MREG: variants seen among roughly 807,000 people sequenced by gnomAD.
The protein encoded by MREG is dilute suppressor protein homolog.
A neutral mutation model predicts 28.5 loss-of-function variants in MREG; 31 were observed. The ratio of observed to expected loss-of-function variants is 1.09; its 90% CI spans 0.82 to 1.47. The LOEUF (loss-of-function observed/expected upper bound fraction) is 1.47. Ranked by LOEUF, MREG falls within the 40% of genes most tolerant of loss-of-function variation. The pLI is 0.00. For synonymous variants in MREG, 106 were observed against 95.2 expected, an observed-to-expected ratio of 1.11 and a Z score of -0.66; for missense variants, 256 against 257.4, an observed-to-expected ratio of 0.99 and a Z score of 0.04.
At chr2:215,986,215 TTTAA>T (rs1284862045) in intron 2 of MREG, among the ~76,000 whole-genome samples, 6 of 152,238 alleles carry the variant, frequency 3.9e-5, no homozygotes, top group African/African-American at 1.4e-4. Context: ...TGGCATATTT[TTTAA>T]TTGAGTTATT....
At chr2:216,030,940 TCTCTCTCTCTCTCTCTCA>T (rs1188495096) in intron 1 of MREG, among the ~76,000 whole-genome samples, 1,631 of 72,436 alleles carry the variant, frequency 0.023, 9 homozygotes, top group African/African-American at 0.041. Flanking sequence ...TCTCTCTCTC[TCTCTCTCTCTCTCTCTCA>T]CACACACACA....
chr2:216,008,389 A>T (rs1694217405), intron 1 of MREG, among the ~76,000 whole-genome samples: 1 of 152,236 alleles, frequency 6.6e-6, no homozygotes, highest in Non-Finnish European at 1.5e-5. Flanking sequence ...ATAATCAAAC[A>T]TCGTTACATC....
At chr2:215,987,525 G>A (rs779191671) in intron 2 of MREG, among the ~76,000 whole-genome samples, 8 of 151,982 alleles carry the variant, frequency 5.3e-5, no homozygotes, top group Non-Finnish European at 1.0e-4. Context: ...GATTACAGGC[G>A]TTAGCCACCA....
chr2:215,985,840 T>C (rs149622817), intron 2 of MREG, among the ~76,000 whole-genome samples: 12 of 152,316 alleles, frequency 7.9e-5, no homozygotes, highest in African/African-American at 2.9e-4. Context: ...AGCTTCTAAA[T>C]TGTATCATAC....
At position 216,029,454 on chromosome 2, in the gene MREG, C is replaced by CGAGA. The variant is rs753576885; in HGVS notation, c.-68+3331_-68+3334dup. 3.0e-3 allele frequency among the ~76,000 whole-genome samples: 376 copies of CGAGA among 127,088 alleles called. 1 individual carries two copies. The highest frequency in any genetic ancestry group is 4.6e-3 in the Non-Finnish European group (274 of 59,066). 83.4% of individuals were successfully genotyped at this position (127,088 alleles called of 152,430 possible). On this transcript the variant is annotated intron_variant, in intron 1 of 3. Coordinates refer to the MREG transcript ENST00000420348. ...GATCACGCCACTGCACTCCGCCTGG[C>CGAGA]GAGAGAGTGAGACTCCATCTCAAAA... is the stretch of plus-strand genomic sequence containing the variant.
chr2:215,996,282 A>G (rs758087270), intron 2 of MREG, 24 bp downstream of exon 2: 3 of 1,608,484 alleles, frequency 1.9e-6, no homozygotes, highest in Non-Finnish European at 2.5e-6. Flanking sequence ...ATCCGCGCAC[A>G]GCAAGACATC....
At chr2:216,023,917 C>T (rs916681514) in intron 1 of MREG, among the ~76,000 whole-genome samples, 19 of 152,198 alleles carry the variant, frequency 1.2e-4, no homozygotes, top group African/African-American at 3.9e-4. Flanking sequence ...ATCTGCCCAT[C>T]TTGGCCTGCC....
At chr2:215,947,431 A>G (rs1692350983) in intron 2 of MREG, among the ~76,000 whole-genome samples, 1 of 152,248 alleles carries the variant, frequency 6.6e-6, no homozygotes, top group Non-Finnish European at 1.5e-5. Context: ...ATTCCATTTA[A>G]GAATGTTATA....
chr2:215,976,899 C>G (rs1474053699), intron 2 of MREG, among the ~76,000 whole-genome samples: 1 of 152,188 alleles, frequency 6.6e-6, no homozygotes, highest in Non-Finnish European at 1.5e-5. Flanking sequence ...TGGAAAGGAA[C>G]GACTGGTACC....
rs919528214 is a variant in MREG at position 215,943,530 on chromosome 2, A to G, written c.*1333T>C. 8 of 456,266 alleles carry G rather than the reference A, an allele frequency of 1.8e-5. No individual in the cohort carries two copies. Among genetic ancestry groups the G allele is most frequent in the Admixed American group, 1.2e-4 (5 of 42,540 alleles). The allele number at this position is 456,266 out of a possible 1,614,324, so 28.3% of individuals were successfully genotyped here. ...AGAGGTCAAACACTTCAGTTTACAG[A>G]TGCTATTCCAGATAAAATGCCAAGG... is the stretch of plus-strand genomic sequence containing the variant. On this transcript the variant is annotated 3_prime_UTR_variant, in exon 5 of 5. Transcript: ENST00000263268.
intron 1 of MREG, among the ~76,000 whole-genome samples, chr2:216,004,857 G>A (rs76709516): frequency 0.018 from 2,806 of 152,242 alleles, 79 homozygotes; most frequent in African/African-American, 0.063. Flanking sequence ...GAAGGGTGGG[G>A]CACTGTTTTA....
chr2:215,945,756 C>T (rs759756929), intron 3 of MREG, 22 bp from the exon 4 acceptor site: 12 of 1,606,476 alleles, frequency 7.5e-6, no homozygotes, highest in Admixed American at 1.7e-5. Context: ...AAATGGACCA[C>T]TCATGTAAAG....
intron 1 of MREG, among the ~76,000 whole-genome samples, chr2:216,006,373 C>A (rs1237378866): frequency 1.1e-4 from 16 of 152,208 alleles, no homozygotes; most frequent in Non-Finnish European, 1.8e-4. Context: ...CACCTCTGGC[C>A]CTCCCCTATC....
chr2:216,017,433 C>A (rs1459188511), upstream of MREG, among the ~76,000 whole-genome samples: 5 of 152,196 alleles, frequency 3.3e-5, no homozygotes, highest in African/African-American at 7.2e-5. Context: ...TCTCCAGTTT[C>A]ACATTCAAAT....
upstream of MREG, among the ~76,000 whole-genome samples, chr2:216,017,328 C>T (rs1194315644): frequency 6.6e-6 from 1 of 152,074 alleles, no homozygotes; most frequent in Admixed American, 6.5e-5. Flanking sequence ...ATTTTTAGAT[C>T]AGTTTTTCTT....
At chr2:216,022,421 A>G (rs1349130393) in intron 1 of MREG, among the ~76,000 whole-genome samples, 1 of 152,116 alleles carries the variant, frequency 6.6e-6, no homozygotes, top group East Asian at 1.9e-4. Flanking sequence ...ATGATTAACT[A>G]TGCTGCAATC....
chr2:216,006,974 C>T (rs1694170916), intron 1 of MREG, among the ~76,000 whole-genome samples: 1 of 152,180 alleles, frequency 6.6e-6, no homozygotes, highest in African/African-American at 2.4e-5. Context: ...ACTTCTAACA[C>T]ACACCACGTA....
At chr2:215,968,071 T>TA (rs1692994160) in intron 2 of MREG, among the ~76,000 whole-genome samples, 1 of 152,174 alleles carries the variant, frequency 6.6e-6, no homozygotes, top group Non-Finnish European at 1.5e-5. Context: ...CATCAGCCTT[T>TA]AAATATGAGG....
At chr2:215,973,558 G>C (rs1309757496) in intron 2 of MREG, among the ~76,000 whole-genome samples, 2 of 152,148 alleles carry the variant, frequency 1.3e-5, no homozygotes, top group Non-Finnish European at 2.9e-5. Context: ...AGAGATTGGA[G>C]CAAATGGATA....
Sources: gnomAD v4.1 joint callset for allele counts (sites outside exome capture counted in the v4.1 genomes callset) on GRCh38, gnomAD v4.1.1 for gene constraint, MANE v1.5 for transcripts, NCBI Gene and HGNC (gene_info 2026-07-23, HGNC 2026-07-21) for gene names.